The following CREBRF variants were observed in gnomAD, a reference collection of about 807,000 sequenced individuals.
CREBRF encodes UPF0474 protein C5orf41.
A neutral mutation model predicts 66.1 loss-of-function variants in CREBRF; 5 were observed. The ratio of observed to expected loss-of-function variants is 0.08; its 90% CI spans 0.04 to 0.16. CREBRF has a LOEUF of 0.16. CREBRF is among the 10% of genes least tolerant of loss of function. The probability of loss-of-function intolerance (pLI) is 1.00; values close to 1 mark genes in which losing one functional copy is unlikely to be tolerated. For missense variants in CREBRF, 531 were observed against 744.9 expected (o/e 0.71, Z 3.34); for synonymous variants, 229 against 264.4 (o/e 0.87, Z 1.30).
chr5:173,088,667 T>C (rs1006764324), intron 3 of CREBRF, among the ~76,000 whole-genome samples: 6 of 151,944 alleles, frequency 3.9e-5, no homozygotes, highest in Non-Finnish European at 7.4e-5. Context: ...CTGCATATAC[T>C]TAATCATTTA....
intron 7 of CREBRF, among the ~76,000 whole-genome samples, chr5:173,112,620 C>T (rs1180005541): frequency 1.3e-5 from 2 of 152,158 alleles, no homozygotes; most frequent in African/African-American, 4.8e-5. Flanking sequence ...ACAAGCTGAT[C>T]CACATTGTGA....
chr5:173,068,188 T>G (rs1757491639), intron 1 of CREBRF: 3 of 446,830 alleles, frequency 6.7e-6, no homozygotes, highest in South Asian at 4.8e-5. Flanking sequence ...GGAAGGATAT[T>G]AAGAATACTG....
intron 7 of CREBRF, among the ~76,000 whole-genome samples, chr5:173,118,289 C>T (rs1472316046): frequency 1.3e-5 from 2 of 152,214 alleles, no homozygotes; most frequent in Admixed American, 6.5e-5. Flanking sequence ...GATGGGATTA[C>T]AGGCATGAGC....
In CREBRF at chr5:173,090,423, G is replaced by A. The variant is rs1177655651; in HGVS notation, c.244G>A (p.Gly82Ser). The A allele has an allele frequency of 1.9e-6, 3 of 1,614,002 alleles. No individual in the cohort carries two copies. Among genetic ancestry groups the A allele is most frequent in the African/African-American group, 2.7e-5 (2 of 75,026 alleles). ...TTTCACAGATGTCCTGGATAATGAG[G>A]GTGCTTTAACCTCAAACTGGGAACA... The part of the protein sequence containing the change: ...ESFTDVLDNE[G>S]ALTSNWEQWD... The change falls in exon 4 of 9, where the codon GGT becomes AGT. Residue 82 changes from glycine to serine, a missense_variant. This residue lies in a region of CREBRF where 133 missense variants were observed against 215.6 expected (regional missense o/e 0.62). Coordinates refer to ENST00000296953, the MANE Select transcript of CREBRF (RefSeq NM_153607.3). This position sits in a 1 kb window ranked among gnomAD's most constrained non-coding sequence, Gnocchi z 4.5.
chr5:173,129,106 C>CT (rs70984946), intron 8 of CREBRF, among the ~76,000 whole-genome samples: 1,589 of 53,738 alleles, frequency 0.03, 274 homozygotes, highest in African/African-American at 0.048. Flanking sequence ...TTAGTTACAT[C>CT]TTTTTTTTTT....
chr5:173,064,316 A>G (rs944088304), intron 1 of CREBRF, among the ~76,000 whole-genome samples: 6 of 152,170 alleles, frequency 3.9e-5, no homozygotes, highest in African/African-American at 1.4e-4. Flanking sequence ...GATTCATTGT[A>G]GAATTCCTTA....
At chr5:173,123,327 C>T (rs949898008) in intron 8 of CREBRF, 125 bp downstream of exon 8, 2 of 804,770 alleles carry the variant, frequency 2.5e-6, no homozygotes, top group Non-Finnish European at 3.8e-6. Flanking sequence ...AATTACTCTC[C>T]TTTATGAGTA....
chr5:173,058,480 AT>A lies in CREBRF; in HGVS notation c.-192+2017del, dbSNP rs548393057. 3.7e-3 allele frequency among the ~76,000 whole-genome samples: 541 copies of A among 144,822 alleles called. 1 individual carries two copies. The highest frequency in any genetic ancestry group is 7.6e-3 in the East Asian group (38 of 5,024). Reference sequence around the variant, plus strand: ...AGAATAATTGGTAACTGATTCATCAATTTTTTTTTTTTTTTTAATTTGAGAC... The same window carrying A: ...AGAATAATTGGTAACTGATTCATCAATTTTTTTTTTTTTTTAATTTGAGAC... On this transcript the variant is annotated intron_variant, in intron 1 of 8. Transcript: ENST00000296953.
Position 173,125,569 on chromosome 5 carries a change from T to C in CREBRF, c.1804+2367T>C, listed in dbSNP as rs184551454. 4.3e-3 allele frequency among the ~76,000 whole-genome samples: 649 copies of C among 152,260 alleles called. 6 individuals carry two copies. Among genetic ancestry groups the C allele is most frequent in the Non-Finnish European group, 2.7e-3 (185 of 68,006 alleles). On this transcript the variant is annotated intron_variant, in intron 8 of 8. Transcript: ENST00000296953. The stretch of plus-strand genomic sequence containing the variant: ...CAGAGTCTCCGCTTTTCAGTTAACA[T>C]TTAAAAACATGGCATCCGGGCACGG...
intron 1 of CREBRF, chr5:173,068,169 T>G (rs934291652): frequency 1.3e-5 from 6 of 453,002 alleles, no homozygotes; most frequent in Admixed American, 2.4e-5. Flanking sequence ...TTTATTCTTT[T>G]GTCTGATTGG....
chr5:173,060,005 G>A (rs1757219908), intron 1 of CREBRF, among the ~76,000 whole-genome samples: 1 of 152,056 alleles, frequency 6.6e-6, no homozygotes, highest in African/African-American at 2.4e-5. Context: ...GGATGTGTGT[G>A]GGTTCTGGGA....
intron 7 of CREBRF, among the ~76,000 whole-genome samples, chr5:173,122,401 A>G (rs1759157702): frequency 6.6e-6 from 1 of 152,118 alleles, no homozygotes; most frequent in Non-Finnish European, 1.5e-5. Flanking sequence ...GCACCTGGCT[A>G]ATCTTGAGAT....
At chr5:173,125,891 T>C (rs944669975) in intron 8 of CREBRF, among the ~76,000 whole-genome samples, 1 of 151,826 alleles carries the variant, frequency 6.6e-6, no homozygotes, top group African/African-American at 2.4e-5. Context: ...CAAAAAAACA[T>C]GGCACGCCAG....
intron 3 of CREBRF, among the ~76,000 whole-genome samples, chr5:173,088,179 A>C (rs1318795555): frequency 6.6e-6 from 1 of 151,090 alleles, no homozygotes; most frequent in Non-Finnish European, 1.5e-5. Context: ...AGAGATGGTC[A>C]TAGCCACACA....
Position 173,133,428 on chromosome 5 carries a change from A to T in CREBRF, c.1805-202A>T, listed in dbSNP as rs548061434. On this transcript the variant is annotated intron_variant, in intron 8 of 8. Transcript: ENST00000296953. ...ATTTTTCATGGCTATCCTTGGTTTG[A>T]CTTTTCTAATCTTAAAATTTTAGAC... 2.6e-5 allele frequency among the ~76,000 whole-genome samples: 4 copies of T among 152,266 alleles called. No individual in the cohort carries two copies. The South Asian group carries it at 8.3e-4, about 32-fold the overall frequency.
chr5:173,096,191 G>T (rs1282848770), intron 4 of CREBRF, among the ~76,000 whole-genome samples: 1 of 151,986 alleles, frequency 6.6e-6, no homozygotes, highest in Non-Finnish European at 1.5e-5. Flanking sequence ...GGATGGTCTC[G>T]ATCTCCTAAC....
chr5:173,072,309 T>C (rs930502128), intron 1 of CREBRF, among the ~76,000 whole-genome samples: 13 of 151,398 alleles, frequency 8.6e-5, no homozygotes, highest in African/African-American at 3.2e-4. Flanking sequence ...AGTGTCTTGC[T>C]CTGTCGCCCA....
intron 3 of CREBRF, among the ~76,000 whole-genome samples, chr5:173,089,252 GA>G (rs1051916275): frequency 1.5e-5 from 2 of 134,654 alleles, no homozygotes; most frequent in African/African-American, 2.8e-5. Flanking sequence ...AAAAATTAAA[GA>G]AAAAAAATAA....
At position 173,127,873 on chromosome 5, in the gene CREBRF, A is replaced by T. The variant is rs1010631738; in HGVS notation, c.1804+4671A>T. Among the ~76,000 whole-genome samples, 4 of 152,352 alleles carry T rather than the reference A, an allele frequency of 2.6e-5. No individual in the cohort carries two copies. In the East Asian group the frequency reaches 7.7e-4, roughly 29 times the overall value. Reference sequence around the variant, plus strand: ...CTTCCTCCTGGGCCTCAAATTTATTAAAAGTGAGCAAAGCATTTTTGTTTG... The same window carrying T: ...CTTCCTCCTGGGCCTCAAATTTATTTAAAGTGAGCAAAGCATTTTTGTTTG... On this transcript the variant is annotated intron_variant, in intron 8 of 8. Transcript: ENST00000296953.
Sources: gnomAD v4.1 joint callset for allele counts (sites outside exome capture counted in the v4.1 genomes callset) on GRCh38, gnomAD v4.1.1 for gene constraint, gnomAD v4.1.1 regional missense constraint, Gnocchi (gnomAD v3.1) non-coding constraint, MANE v1.5 for transcripts, NCBI Gene and HGNC (gene_info 2026-07-23, HGNC 2026-07-21) for gene names.